DIP2B: variants seen among roughly 807,000 people sequenced by gnomAD.
DIP2B encodes the protein DIP2 acetate--CoA ligase B (putative).
In DIP2B, 76 loss-of-function variants were observed where a neutral mutation model predicts 198.0. The observed-to-expected ratio is 0.38, with a 90% CI of 0.32 to 0.46. The LOEUF (loss-of-function observed/expected upper bound fraction) is 0.46. Among genes scored for constraint, DIP2B ranks in the 20% least tolerant of loss-of-function variants. The pLI, the probability that DIP2B is intolerant of heterozygous loss-of-function variation, is 0.99. For missense variants in DIP2B, 1,559 were observed against 1,978.4 expected (o/e 0.79, Z 4.02); for synonymous variants, 701 against 739.1 (o/e 0.95, Z 0.84).
rs946548712 is a variant in DIP2B, at chr12:50,734,997, G to A, written c.4044-76G>A. ...GAGACAAGTTAGAGGTTGTGGGAAG[G>A]CAGCACCGAGCTGCAGGAACATGGC... On this transcript the variant is annotated intron_variant, in intron 33 of 37. Transcript: ENST00000301180. The A allele has an allele frequency of 6.5e-6, 10 of 1,549,948 alleles. No individual in the cohort carries two copies. The African/African-American group carries it at 1.4e-4, about 21-fold the overall frequency.
chr12:50,682,628 CAAA>C (rs58672851), intron 9 of DIP2B, among the ~76,000 whole-genome samples: 1 of 42,140 alleles, frequency 2.4e-5, no homozygotes, highest in Non-Finnish European at 4.4e-5. Context: ...GACTCTGTCT[CAAA>C]AAAAAAAAAA....
At chr12:50,660,625 A>G (rs774480370) in intron 4 of DIP2B, among the ~76,000 whole-genome samples, 34 of 152,310 alleles carry the variant, frequency 2.2e-4, no homozygotes, top group Non-Finnish European at 4.7e-4. Flanking sequence ...GCTTAGGCCA[A>G]AATCCTGCTG....
intron 1 of DIP2B, among the ~76,000 whole-genome samples, chr12:50,616,718 G>C (rs1937706913): frequency 6.6e-6 from 1 of 152,152 alleles, no homozygotes; most frequent in African/African-American, 2.4e-5. Context: ...GTATGTTTGT[G>C]AGCCTTTCTA....
intron 30 of DIP2B, among the ~76,000 whole-genome samples, chr12:50,730,227 A>T (rs1000466544): frequency 6.6e-6 from 1 of 152,216 alleles, no homozygotes; most frequent in African/African-American, 2.4e-5. Flanking sequence ...AAACTCCTTC[A>T]TAGGATGGTT....
At chr12:50,686,489 CTT>C in intron 11 of DIP2B, 82 bp from the exon 12 acceptor site, 1 of 1,176,478 alleles carries the variant, frequency 8.5e-7, no homozygotes, top group Middle Eastern at 1.9e-4. Context: ...AATTTGGTCT[CTT>C]GATATTTAAA....
At chr12:50,595,796 T>TG (rs1395929503) in intron 1 of DIP2B, among the ~76,000 whole-genome samples, 1 of 152,172 alleles carries the variant, frequency 6.6e-6, no homozygotes, top group Non-Finnish European at 1.5e-5. Context: ...AAATCTCCCA[T>TG]GGACTCAAGT....
chr12:50,693,252 A>T (rs1283142459), intron 14 of DIP2B, among the ~76,000 whole-genome samples: 1 of 152,246 alleles, frequency 6.6e-6, no homozygotes, highest in African/African-American at 2.4e-5. Flanking sequence ...TCTCCCCATC[A>T]GAGAGGAACA....
intron 3 of DIP2B, among the ~76,000 whole-genome samples, chr12:50,644,427 T>C (rs182943220): frequency 1.2e-3 from 183 of 152,310 alleles, no homozygotes; most frequent in African/African-American, 4.1e-3. Context: ...AGTATTCGTA[T>C]TACCTTATTC....
At chr12:50,519,596 C>T (rs755958774) in intron 1 of DIP2B, among the ~76,000 whole-genome samples, 13 of 152,172 alleles carry the variant, frequency 8.5e-5, no homozygotes, top group Non-Finnish European at 1.9e-4. Flanking sequence ...TGAAAATTCA[C>T]AGGTCTAGCC....
At chr12:50,660,490 AC>A (rs1436109568) in intron 4 of DIP2B, among the ~76,000 whole-genome samples, 171 bp downstream of exon 4, 2 of 152,184 alleles carry the variant, frequency 1.3e-5, no homozygotes, top group Admixed American at 1.3e-4. Context: ...TAAACAACAC[AC>A]AAAAAGATGT....
intron 1 of DIP2B, among the ~76,000 whole-genome samples, chr12:50,552,712 T>C (rs1376509393): frequency 1.3e-5 from 2 of 152,178 alleles, no homozygotes; most frequent in East Asian, 3.8e-4. Flanking sequence ...TTTGGCGTCA[T>C]ATCCAAGAAA....
At chr12:50,720,719 C>A (rs1042682768) in intron 25 of DIP2B, among the ~76,000 whole-genome samples, 3 of 152,128 alleles carry the variant, frequency 2.0e-5, no homozygotes, top group Non-Finnish European at 4.4e-5. Context: ...GAGTTTGAGG[C>A]TGCAAGCTGC....
intron 4 of DIP2B, among the ~76,000 whole-genome samples, chr12:50,664,830 G>GTTTTTTTTTTTTTTTTTTTTTTTTTTT (rs1205734576): frequency 1.0e-5 from 1 of 99,686 alleles, no homozygotes; most frequent in African/African-American, 4.2e-5. Flanking sequence ...TCCTTTTTTG[G>GTTTTTTTTTTTTTTTTTTTTTTTTTTT]TTTTTGTTTT....
chr12:50,691,212 C>A, intron 13 of DIP2B, 61 bp downstream of exon 13: 1 of 1,416,314 alleles, frequency 7.1e-7, no homozygotes, highest in Non-Finnish European at 9.9e-7. Context: ...ACTGTGAGCA[C>A]AATGCTCAGT....
chr12:50,686,593 G>A lies in DIP2B; in HGVS notation c.1462G>A (p.Val488Ile). Reference sequence around the variant, plus strand: ...TTTAGGTTGGCCCCGGCTCAAATGGGTTGTAACAGATTCCAAGTACCTTTC... The same window carrying A: ...TTTAGGTTGGCCCCGGCTCAAATGGATTGTAACAGATTCCAAGTACCTTTC... The part of the protein sequence containing the change: ...QFKGWPRLKW[V>I]VTDSKYLSKP... Residue 488 changes from valine (V) to isoleucine (I), a missense_variant, in exon 12 of 38, where the codon GTT becomes ATT. Val to Ile is a conservative substitution (Grantham distance 29, BLOSUM62 3). Coordinates refer to ENST00000301180, the MANE Select transcript of DIP2B (RefSeq NM_173602.3). 1 of 1,614,054 alleles carries A rather than the reference G, an allele frequency of 6.2e-7. No homozygotes were observed. Among genetic ancestry groups the A allele is most frequent in the Non-Finnish European group, 8.5e-7 (1 of 1,179,990 alleles).
At chr12:50,574,311 C>G (rs541985381) in intron 1 of DIP2B, among the ~76,000 whole-genome samples, 1 of 152,234 alleles carries the variant, frequency 6.6e-6, no homozygotes, top group South Asian at 2.1e-4. Context: ...CACACGGGTT[C>G]TGGATAAATG....
At chr12:50,548,298 T>A (rs1476396690) in intron 1 of DIP2B, among the ~76,000 whole-genome samples, 1 of 152,046 alleles carries the variant, frequency 6.6e-6, no homozygotes, top group Non-Finnish European at 1.5e-5. Flanking sequence ...AAACTAAAAA[T>A]TAATGGAGAG....
chr12:50,732,913 T>C (rs1940070185), intron 32 of DIP2B, among the ~76,000 whole-genome samples: 1 of 152,156 alleles, frequency 6.6e-6, no homozygotes, highest in Non-Finnish European at 1.5e-5. Flanking sequence ...TTTTTCTTTT[T>C]TTTTTTATTT....
At chr12:50,559,417 GT>G (rs1958499175) in intron 1 of DIP2B, among the ~76,000 whole-genome samples, 1 of 149,302 alleles carries the variant, frequency 6.7e-6, no homozygotes, top group African/African-American at 2.5e-5. Flanking sequence ...TATCTCAACA[GT>G]TTGACTAACC....
Sources: gnomAD v4.1 joint callset for allele counts (sites outside exome capture counted in the v4.1 genomes callset) on GRCh38, gnomAD v4.1.1 for gene constraint, MANE v1.5 for transcripts, NCBI Gene and HGNC (gene_info 2026-07-23, HGNC 2026-07-21) for gene names.